Variants in KCNK3 observed in about 807,000 individuals in gnomAD.
KCNK3 encodes potassium two pore domain channel subfamily K member 3, also known as potassium channel subfamily K member 3.
In KCNK3, 9 loss-of-function variants were observed where a neutral mutation model predicts 27.3. The ratio of observed to expected loss-of-function variants is 0.33; its 90% CI spans 0.20 to 0.57. The LOEUF (loss-of-function observed/expected upper bound fraction) is 0.57, where lower values mean the gene tolerates loss of function less well. Among genes scored for constraint, KCNK3 ranks in the 20% least tolerant of loss-of-function variants. KCNK3 has a pLI of 0.87. For missense variants in KCNK3, 391 were observed against 577.7 expected (o/e 0.68, Z 3.31); for synonymous variants, 278 against 273.8 (o/e 1.02, Z -0.15).
chr2:26,699,508 A>G (rs1440306034), intron 1 of KCNK3, among the ~76,000 whole-genome samples: 2 of 152,232 alleles, frequency 1.3e-5, no homozygotes, highest in African/African-American at 4.8e-5. Flanking sequence ...ATGTAGTGCA[A>G]ATCACCACTA....
chr2:26,726,216 T>C (rs1663417474), intron 1 of KCNK3, among the ~76,000 whole-genome samples: 1 of 151,934 alleles, frequency 6.6e-6, no homozygotes, highest in African/African-American at 2.4e-5. Context: ...TGGGCCTCCA[T>C]AGGTATGGCT....
At chr2:26,717,505 G>A (rs928783827) in intron 1 of KCNK3, among the ~76,000 whole-genome samples, 6 of 152,226 alleles carry the variant, frequency 3.9e-5, no homozygotes, top group African/African-American at 9.7e-5. Context: ...TCAGCCATCC[G>A]CGAAGAGGGC....
chr2:26,722,217 C>A (rs1558602708), intron 1 of KCNK3, among the ~76,000 whole-genome samples: 1 of 152,176 alleles, frequency 6.6e-6, no homozygotes, highest in African/African-American at 2.4e-5. Context: ...AGCATTTCCC[C>A]AATTTAATTG....
chr2:26,693,178 G>A lies in KCNK3; in HGVS notation c.283+20G>A, dbSNP rs768843323. The stretch of plus-strand genomic sequence containing the variant: ...CCATCGGTAACGGCTCGCCGGGCGG[G>A]GGGCGGGAACCCAGGGCTGGGCGCG... On this transcript the variant is annotated intron_variant, in intron 1 of 1. Transcript: ENST00000302909. The surrounding 1 kb of genome is among the most constrained non-coding windows in gnomAD (Gnocchi z 5.5). 46 of 1,517,336 alleles carry A rather than the reference G, an allele frequency of 3.0e-5. No individual in the cohort carries two copies. The highest frequency in any genetic ancestry group is 1.8e-4 in the Middle Eastern group (1 of 5,632). The allele number at this position is 1,517,336 out of a possible 1,614,324, so 94.0% of individuals were successfully genotyped here.
In KCNK3 at chr2:26,719,481, C is replaced by T. The variant is rs1260483189; in HGVS notation, c.284-8186C>T. Among the ~76,000 whole-genome samples the T allele has an allele frequency of 3.3e-5, 5 of 152,334 alleles. No homozygotes were observed. The East Asian group carries it at 9.6e-4, about 29-fold the overall frequency. On this transcript the variant is annotated intron_variant, in intron 1 of 1. Transcript: ENST00000302909. ...AATGTCACCTCCTCCATGAAGCCCT[C>T]CCTGATAACCCAACCAAAGTTCTCT... is the stretch of plus-strand genomic sequence containing the variant.
intron 1 of KCNK3, among the ~76,000 whole-genome samples, chr2:26,722,881 A>C (rs1663349571): frequency 6.6e-6 from 1 of 152,238 alleles, no homozygotes; most frequent in South Asian, 2.1e-4. Context: ...GGCAGTGGGA[A>C]AAGCTGGGAA....
intron 1 of KCNK3, among the ~76,000 whole-genome samples, chr2:26,709,710 G>A (rs1490680907): frequency 6.6e-6 from 1 of 152,132 alleles, no homozygotes; most frequent in Non-Finnish European, 1.5e-5. Context: ...CTATTTTCAG[G>A]CCTTTCCGTA....
At position 26,727,799 on chromosome 2, in the gene KCNK3, T is replaced by C; in HGVS notation, c.416T>C (p.Leu139Pro). 1 of 1,611,108 alleles carries C rather than the reference T, an allele frequency of 6.2e-7. No individual in the cohort carries two copies. The highest frequency in any genetic ancestry group is 8.5e-7 in the Non-Finnish European group (1 of 1,177,818). ...GERINTLVRY[L>P]LHRAKKGLGM... ...CGCATCAACACCTTGGTGAGGTACC[T>C]GCTGCACCGCGCCAAGAAGGGGCTG... The change falls in exon 2 of 2, where the codon CTG becomes CCG. Residue 139 changes from leucine (L) to proline (P), a missense_variant. By Grantham distance (98) the Leu-to-Pro change is moderately conservative. Coordinates refer to ENST00000302909, the MANE Select transcript of KCNK3 (RefSeq NM_002246.3).
At chr2:26,709,505 T>A (rs1663062665) in intron 1 of KCNK3, among the ~76,000 whole-genome samples, 1 of 151,518 alleles carries the variant, frequency 6.6e-6, no homozygotes, top group African/African-American at 2.4e-5. Context: ...TGCTTAGAGG[T>A]CAAATAGGAT....
intron 1 of KCNK3, among the ~76,000 whole-genome samples, chr2:26,714,360 C>T (rs571995732): frequency 4.3e-5 from 2 of 46,708 alleles, no homozygotes; most frequent in African/African-American, 6.9e-5. Context: ...TCGGTGTCCC[C>T]GACTGTTGAA....
At position 26,732,351 on chromosome 2, in the gene KCNK3, A is replaced by G. The variant is rs1400295776; in HGVS notation, c.*3783A>G. 1 of 152,236 alleles carries G rather than the reference A, an allele frequency of 6.6e-6. No homozygotes were observed. The highest frequency in any genetic ancestry group is 2.4e-5 in the African/African-American group (1 of 41,454). The allele number at this position is 152,236 out of a possible 1,614,324, so 9.4% of individuals were successfully genotyped here. A position where few individuals can be genotyped will look rare whatever the true frequency, so the allele number is the denominator to read the frequency against. ...TGTTATAAAATGCTGGTCACGATCCACTAAATTGATGTCTCTACCTGCTAA... is the reference window on the plus strand; with the variant it reads ...TGTTATAAAATGCTGGTCACGATCCGCTAAATTGATGTCTCTACCTGCTAA... On this transcript the variant is annotated 3_prime_UTR_variant, in exon 2 of 2. Transcript: ENST00000302909.
At chr2:26,706,694 C>G (rs1254241711) in intron 1 of KCNK3, among the ~76,000 whole-genome samples, 1 of 152,124 alleles carries the variant, frequency 6.6e-6, no homozygotes, top group East Asian at 1.9e-4. Flanking sequence ...CCTGGAGTCC[C>G]GAGCACTCAT....
At chr2:26,724,582 G>A (rs754758897) in intron 1 of KCNK3, 5 of 985,102 alleles carry the variant, frequency 5.1e-6, no homozygotes, top group Non-Finnish European at 4.8e-6. Flanking sequence ...TTATTCTTAA[G>A]CCTCAGCCTG....
rs185536254 is a variant in KCNK3 at position 26,723,438 on chromosome 2, C to T, written c.284-4229C>T. 9.3e-4 allele frequency among the ~76,000 whole-genome samples: 141 copies of T among 152,304 alleles called. 1 individual carries two copies. Among genetic ancestry groups the T allele is most frequent in the Admixed American group, 3.3e-3 (51 of 15,300 alleles). ...TACACTAACAATTAATTTTTATGTC[C>T]AGCCACCTGGCTTCCTTAGGTGGAT... On this transcript the variant is annotated intron_variant, in intron 1 of 1. Transcript: ENST00000302909.
At chr2:26,719,110 T>G (rs1383270374) in intron 1 of KCNK3, among the ~76,000 whole-genome samples, 1 of 152,262 alleles carries the variant, frequency 6.6e-6, no homozygotes, top group Non-Finnish European at 1.5e-5. Context: ...ATATTTGGAC[T>G]GTTTACAATT....
intron 1 of KCNK3, among the ~76,000 whole-genome samples, chr2:26,697,625 G>A (rs978572466): frequency 6.6e-6 from 1 of 152,086 alleles, no homozygotes; most frequent in South Asian, 2.1e-4. Context: ...TCACAGCTGT[G>A]CCCAGCACCC....
At position 26,693,021 on chromosome 2, in the gene KCNK3, G is replaced by A. The variant is rs1163692084; in HGVS notation, c.146G>A (p.Arg49Gln). 2.5e-6 allele frequency: 4 copies of A among 1,585,214 alleles called. No homozygotes were observed. The highest frequency in any genetic ancestry group is 2.6e-6 in the Non-Finnish European group (3 of 1,171,388). ...CTGGAGCTGCGGCAGCAGGAGCTGC[G>A]GGCGCGCTACAACCTCAGCCAGGGC... The part of the protein sequence containing the change: ...QRLELRQQEL[R>Q]ARYNLSQGGY... The change falls in exon 1 of 2, where the codon CGG becomes CAG. Residue 49 changes from arginine to glutamine, a missense_variant. Arg to Gln is a conservative substitution (Grantham distance 43). Coordinates refer to ENST00000302909, the MANE Select transcript of KCNK3 (RefSeq NM_002246.3). This position sits in a 1 kb window ranked among gnomAD's most constrained non-coding sequence, Gnocchi z 5.5.
chr2:26,725,057 C>T (rs1340348789), intron 1 of KCNK3, among the ~76,000 whole-genome samples: 1 of 152,120 alleles, frequency 6.6e-6, no homozygotes. Context: ...GGGGCACTGG[C>T]TTTTCCTAAG....
chr2:26,728,975 C>A lies in KCNK3; in HGVS notation c.*407C>A. Reference sequence around the variant, plus strand: ...TTTATACCTCTGTCCTGCTAGGTCTCCCACCTTCCCTTGGTTCCAAAAGCC... The same window carrying A: ...TTTATACCTCTGTCCTGCTAGGTCTACCACCTTCCCTTGGTTCCAAAAGCC... On this transcript the variant is annotated 3_prime_UTR_variant, in exon 2 of 2. Transcript: ENST00000302909. 1 of 168,718 alleles carries A rather than the reference C, an allele frequency of 5.9e-6. No homozygotes were observed. The highest frequency in any genetic ancestry group is 1.3e-5 in the Non-Finnish European group (1 of 79,604). The allele number at this position is 168,718 out of a possible 1,614,324, so 10.5% of individuals were successfully genotyped here.
Sources: gnomAD v4.1 joint callset for allele counts (sites outside exome capture counted in the v4.1 genomes callset) on GRCh38, gnomAD v4.1.1 for gene constraint, Gnocchi (gnomAD v3.1) non-coding constraint, MANE v1.5 for transcripts, NCBI Gene and HGNC (gene_info 2026-07-23, HGNC 2026-07-21) for gene names.